Variants in THRB observed in about 807,000 individuals in gnomAD.
THRB encodes thyroid hormone receptor beta, also known as nuclear receptor subfamily 1 group A member 2.
THRB carries 12 observed loss-of-function variants against 47.8 expected under a neutral mutation model. The ratio of observed to expected loss-of-function variants is 0.25; its 90% CI spans 0.16 to 0.41. The LOEUF (loss-of-function observed/expected upper bound fraction) is 0.41. Ranked by LOEUF, THRB falls within the 10% of genes least tolerant of loss-of-function variation. THRB has a pLI of 1.00. For synonymous variants in THRB, 218 were observed against 212.2 expected (o/e 1.03, Z -0.24); for missense variants, 348 against 589.2 (o/e 0.59, Z 4.24).
At chr3:24,344,261 C>T (rs978382387) in intron 1 of THRB, among the ~76,000 whole-genome samples, 2 of 151,916 alleles carry the variant, frequency 1.3e-5, no homozygotes, top group East Asian at 3.9e-4. Flanking sequence ...CCAAAAGCCA[C>T]CTGTGTTTTA....
intron 1 of THRB, among the ~76,000 whole-genome samples, chr3:24,441,329 C>A (rs1004009933): frequency 6.6e-6 from 1 of 152,214 alleles, no homozygotes; most frequent in Non-Finnish European, 1.5e-5. Context: ...AGTGTGTACA[C>A]GATTGGGTAG....
At chr3:24,360,817 T>C (rs939720207) in intron 1 of THRB, among the ~76,000 whole-genome samples, 2 of 152,220 alleles carry the variant, frequency 1.3e-5, no homozygotes, top group Non-Finnish European at 2.9e-5. Context: ...ATCAGCTCTC[T>C]TTACAGAGTG....
chr3:24,172,481 T>A (rs2040561917), intron 5 of THRB, among the ~76,000 whole-genome samples: 1 of 152,084 alleles, frequency 6.6e-6, no homozygotes, highest in African/African-American at 2.4e-5. Context: ...TTGTTTCTAA[T>A]TTTTTCCCTT....
At chr3:24,240,533 T>C (rs1407391200) in intron 3 of THRB, among the ~76,000 whole-genome samples, 2 of 152,082 alleles carry the variant, frequency 1.3e-5, no homozygotes, top group African/African-American at 4.8e-5. Context: ...ATCAGACAAA[T>C]GAGCACAAGA....
intron 1 of THRB, among the ~76,000 whole-genome samples, chr3:24,421,533 C>CCTTATACAT (rs1400305353): frequency 6.6e-6 from 1 of 151,724 alleles, no homozygotes; most frequent in Non-Finnish European, 1.5e-5. Flanking sequence ...TCTTTCTTTC[C>CCTTATACAT]CTTATACATC....
chr3:24,276,028 C>T (rs548472864), intron 3 of THRB, among the ~76,000 whole-genome samples: 66 of 151,812 alleles, frequency 4.3e-4, no homozygotes, highest in Admixed American at 8.5e-4. Flanking sequence ...GGAAATCTCC[C>T]TGCAGTCTTC....
At chr3:24,363,964 T>C (rs1487810248) in intron 1 of THRB, among the ~76,000 whole-genome samples, 1 of 152,158 alleles carries the variant, frequency 6.6e-6, no homozygotes, top group African/African-American at 2.4e-5. Context: ...ATGCACTTTA[T>C]TACTAAGGAT....
intron 2 of THRB, among the ~76,000 whole-genome samples, chr3:24,322,733 C>T (rs2058564899): frequency 6.6e-6 from 1 of 152,162 alleles, no homozygotes; most frequent in South Asian, 2.1e-4. Context: ...TCATCTAGAT[C>T]CTTCTACTGG....
At chr3:24,283,234 C>A (rs1372297955) in intron 3 of THRB, among the ~76,000 whole-genome samples, 4 of 152,176 alleles carry the variant, frequency 2.6e-5, no homozygotes, top group Non-Finnish European at 5.9e-5. Context: ...GCTTATCCAC[C>A]ATGATCAAGT....
intron 3 of THRB, among the ~76,000 whole-genome samples, chr3:24,268,641 A>G (rs2052913429): frequency 1.3e-5 from 2 of 152,100 alleles, no homozygotes. Flanking sequence ...TATTTATAAA[A>G]CTATTTCTAT....
intron 1 of THRB, among the ~76,000 whole-genome samples, chr3:24,441,453 T>C (rs372334928): frequency 1.3e-5 from 2 of 152,192 alleles, no homozygotes; most frequent in African/African-American, 2.4e-5. Flanking sequence ...TGCCCTGCTA[T>C]GTAGTTTGAA....
chr3:24,378,551 C>G (rs769879557), intron 1 of THRB, among the ~76,000 whole-genome samples: 5 of 152,054 alleles, frequency 3.3e-5, no homozygotes, highest in Non-Finnish European at 7.4e-5. Flanking sequence ...TCCTAGTGAC[C>G]TATAAAAACA....
At chr3:24,489,474 C>G (rs1423222556) in intron 1 of THRB, among the ~76,000 whole-genome samples, 1 of 152,240 alleles carries the variant, frequency 6.6e-6, no homozygotes, top group East Asian at 1.9e-4. Context: ...ATCAGAAACA[C>G]TTTCCAGGGA....
intron 8 of THRB, among the ~76,000 whole-genome samples, chr3:24,134,106 C>G (rs530433675): frequency 2.1e-4 from 32 of 152,320 alleles, no homozygotes; most frequent in African/African-American, 7.7e-4. Flanking sequence ...GGGCAGTTCT[C>G]TGCTGTTTAC....
intron 1 of THRB, among the ~76,000 whole-genome samples, chr3:24,345,967 T>C (rs1020794236): frequency 2.0e-5 from 3 of 152,042 alleles, no homozygotes; most frequent in Non-Finnish European, 4.4e-5. Context: ...TAATTAAAAT[T>C]AAATAAAGTT....
At chr3:24,152,273 A>G (rs756276402) in intron 6 of THRB, 117 bp downstream of exon 6, 24 of 667,402 alleles carry the variant, frequency 3.6e-5, no homozygotes, top group Non-Finnish European at 5.8e-5. Flanking sequence ...ATCACAGACC[A>G]TGGATGTTAG....
chr3:24,256,566 A>G (rs2051305799), intron 3 of THRB, among the ~76,000 whole-genome samples: 1 of 152,198 alleles, frequency 6.6e-6, no homozygotes, highest in African/African-American at 2.4e-5. Context: ...AGGGAAAAAG[A>G]TAACTCATAC....
intron 1 of THRB, among the ~76,000 whole-genome samples, chr3:24,479,164 T>C (rs1695974386): frequency 6.6e-6 from 1 of 151,462 alleles, no homozygotes; most frequent in Non-Finnish European, 1.5e-5. Flanking sequence ...TTGCCTGGCG[T>C]GGTGGTGGGC....
intron 3 of THRB, among the ~76,000 whole-genome samples, chr3:24,267,933 AT>A (rs1375933511): frequency 1.3e-4 from 20 of 152,218 alleles, no homozygotes; most frequent in Non-Finnish European, 1.9e-4. Context: ...CTTCAACACC[AT>A]TAGCCCTATC....
Sources: gnomAD v4.1 joint callset for allele counts (sites outside exome capture counted in the v4.1 genomes callset) on GRCh38, gnomAD v4.1.1 for gene constraint, MANE v1.5 for transcripts, NCBI Gene and HGNC (gene_info 2026-07-23, HGNC 2026-07-21) for gene names.